The following TTN variants were observed in gnomAD, a reference collection of about 807,000 sequenced individuals.
The protein encoded by TTN is connectin.
TTN carries 1,525 observed loss-of-function variants against 3,223.0 expected under a neutral mutation model. The observed-to-expected ratio is 0.47, with a 90% CI of 0.45 to 0.49. The LOEUF is 0.49. Ranked by LOEUF, TTN falls within the 20% of genes least tolerant of loss-of-function variation. The pLI is 0.00. For synonymous variants in TTN, 14,094 were observed against 15,161.0 expected (o/e 0.93, Z 5.17); for missense variants, 40,786 against 43,424.0 (o/e 0.94, Z 5.40).
chr2:178,715,312 G>A lies in TTN; in HGVS notation c.25922-48C>T, dbSNP rs750382958. 4 of 1,536,684 alleles carry A rather than the reference G, an allele frequency of 2.6e-6. No homozygotes were observed. The South Asian group carries it at 3.9e-5, about 15-fold the overall frequency. ...TACGGATGTATTCTGTAAGTATATA[G>A]TTAAAAGTAAGAATCAATCTTCCAC... is the stretch of plus-strand genomic sequence containing the variant. On this transcript the variant is annotated intron_variant, in intron 89 of 362. Coordinates refer to ENST00000589042, the MANE Select transcript of TTN (RefSeq NM_001267550.2).
intron 282 of TTN, among the ~76,000 whole-genome samples, chr2:178,603,177 C>T (rs757215064): frequency 6.6e-6 from 1 of 151,954 alleles, no homozygotes. Flanking sequence ...GCACAAAGCA[C>T]ATGTTCAATA....
intron 99 of TTN, 76 bp downstream of exon 99, chr2:178,709,490 T>C: frequency 6.9e-7 from 1 of 1,446,046 alleles, no homozygotes; most frequent in South Asian, 1.5e-5. Context: ...GGTCAAGATA[T>C]CATAAGAAAT....
rs1408429519 is a variant in TTN at position 178,607,402 on chromosome 2, A to G, written c.53286T>C (p.Phe17762=). 6.2e-7 allele frequency: 1 copy of G among 1,613,044 alleles called. No individual in the cohort carries two copies. Among genetic ancestry groups the G allele is most frequent in the Admixed American group, 1.7e-5 (1 of 59,972 alleles). ...GAAAATCAGTGCAACATTCCTTACC[A>G]AAAACTTCTACCCTGGCTGCTGCAA... ...SKFAAARVEV[F]DVPGPVLDLK... Residue 17762 remains phenylalanine, a splice_region_variant and synonymous_variant, in exon 277 of 363, where the codon TTT becomes TTC. Coordinates refer to ENST00000589042, the MANE Select transcript of TTN (RefSeq NM_001267550.2).
rs760930312 is a variant in TTN at position 178,632,539 on chromosome 2, T to C, written c.43467A>G (p.Lys14489=). Reference sequence around the variant, plus strand: ...AAAACTATTTACCTTCAATGATCAGTTTGCCACTTGTGTGCTTATCTTCAG... The same window carrying C: ...AAAACTATTTACCTTCAATGATCAGCTTGCCACTTGTGTGCTTATCTTCAG... ...FEAEDKHTSG[K]LIIEGIRLKF... Residue 14489 remains lysine, a synonymous_variant, in exon 235 of 363, where the codon AAA becomes AAG. Coordinates refer to ENST00000589042, the MANE Select transcript of TTN (RefSeq NM_001267550.2). 1.9e-6 allele frequency: 3 copies of C among 1,613,186 alleles called. No individual in the cohort carries two copies. Among genetic ancestry groups the C allele is most frequent in the South Asian group, 1.1e-5 (1 of 90,962 alleles).
intron 113 of TTN, 40 bp from the exon 114 acceptor site, chr2:178,696,309 C>A: frequency 7.0e-7 from 1 of 1,436,858 alleles, no homozygotes; most frequent in East Asian, 2.5e-5. Context: ...TTAATTCTAT[C>A]CATCCAACTG....
In TTN at chr2:178,730,690, A is replaced by G. The variant is rs772946744; in HGVS notation, c.17843T>C (p.Ile5948Thr). 1.2e-5 allele frequency: 20 copies of G among 1,613,554 alleles called. No individual in the cohort carries two copies. Among genetic ancestry groups the G allele is most frequent in the Non-Finnish European group, 1.7e-5 (20 of 1,179,694 alleles). Residue 5948 changes from isoleucine to threonine, a missense_variant, in exon 61 of 363, where the codon ATA (isoleucine) becomes ACA (threonine). By Grantham distance (89) the Ile-to-Thr change is moderately conservative (BLOSUM62 -1). Coordinates refer to ENST00000589042, the MANE Select transcript of TTN (RefSeq NM_001267550.2). ...GTCATCTTTGAACCACTGGATGCTT[A>G]TGGGATGTGACCCAGCCACTATACA... ...LECIVAGSHPISIQWFKDDQE... is the reference protein window; with the variant it reads ...LECIVAGSHPTSIQWFKDDQE...
Position 178,609,420 on chromosome 2 carries a change from G to T in TTN, c.51890C>A (p.Ala17297Glu). The change falls in exon 273 of 363, where the codon GCA becomes GAA. Residue 17297 changes from alanine to glutamate, a missense_variant. Ala to Glu is a moderately radical substitution (Grantham distance 107). Transcript: ENST00000589042. ...CTTCCTTCTCCTAACCAAGGGTGCT[G>T]CACGCTTCTTAATTTCCTCTGGTAC... ...VIVPEEIKKRAAPLVRRRKGE... is the reference protein window; with the variant it reads ...VIVPEEIKKREAPLVRRRKGE... 1 of 1,612,230 alleles carries T rather than the reference G, an allele frequency of 6.2e-7. No individual in the cohort carries two copies. Among genetic ancestry groups the T allele is most frequent in the Non-Finnish European group, 8.5e-7 (1 of 1,179,004 alleles).
chr2:178,753,333 T>C (rs1452636513), intron 46 of TTN, 153 bp from the exon 47 acceptor site: 10 of 584,428 alleles, frequency 1.7e-5, no homozygotes, highest in Non-Finnish European at 2.7e-5. Context: ...CCAAACAAAC[T>C]ATTGAGCTGA....
chr2:178,604,538 A>G (rs2054298023), intron 281 of TTN, among the ~76,000 whole-genome samples, 170 bp downstream of exon 281: 1 of 151,978 alleles, frequency 6.6e-6, no homozygotes, highest in Non-Finnish European at 1.5e-5. Context: ...ATCAAACGCT[A>G]TGTACTAAGG....
intron 46 of TTN, among the ~76,000 whole-genome samples, chr2:178,755,731 A>G (rs898327995): frequency 6.6e-6 from 1 of 152,200 alleles, no homozygotes; most frequent in African/African-American, 2.4e-5. Flanking sequence ...GGCATGAGTC[A>G]CTGTACTTGG....
chr2:178,792,166 G>A lies in TTN; in HGVS notation c.1568C>T (p.Pro523Leu), dbSNP rs1336408647. Residue 523 changes from proline (P) to leucine (L), a missense_variant, in exon 10 of 363, where the codon CCA (proline) becomes CTA (leucine). Transcript: ENST00000589042. ...TTTAGCTGCGGAAATTACTACCTTT[G>A]GTACAAATGTTTTTTCAGTTTCTTT... Reference protein sequence around the residue: ...IRKETEKTFVPKVVISAAKAK... With the variant: ...IRKETEKTFVLKVVISAAKAK... 4.4e-6 allele frequency: 7 copies of A among 1,608,462 alleles called. No individual in the cohort carries two copies. The South Asian group carries it at 6.7e-5, about 15-fold the overall frequency.
chr2:178,680,095 A>C, intron 139 of TTN, 40 bp from the exon 140 acceptor site: 2 of 1,605,192 alleles, frequency 1.2e-6, no homozygotes, highest in Non-Finnish European at 1.7e-6. Context: ...TTTGCCAATG[A>C]CTCAACAAAA....
intron 43 of TTN, chr2:178,760,795 C>T (rs1001160249): frequency 4.0e-5 from 6 of 151,818 alleles, no homozygotes; most frequent in Non-Finnish European, 8.8e-5. Flanking sequence ...CGCCAAAAGA[C>T]AGTGCCATGT....
Position 178,563,504 on chromosome 2 carries a change from C to G in TTN, c.82628G>C (p.Arg27543Thr). The G allele has an allele frequency of 6.2e-7, 1 of 1,613,780 alleles. No homozygotes were observed. The highest frequency in any genetic ancestry group is 1.3e-5 in the African/African-American group (1 of 75,024). Residue 27543 changes from arginine to threonine, a missense_variant, in exon 326 of 363, where the codon AGA (arginine) becomes ACA (threonine). By Grantham distance (71) the Arg-to-Thr change is moderately conservative. Coordinates refer to ENST00000589042, the MANE Select transcript of TTN (RefSeq NM_001267550.2). This position sits in a 1 kb window ranked among gnomAD's most constrained non-coding sequence, Gnocchi z 4.5. ...GLTEGHSYEFRVAAENAAGVG... is the reference protein window; with the variant it reads ...GLTEGHSYEFTVAAENAAGVG... Reference sequence around the variant, plus strand: ...ACCAGCTGCATTTTCAGCAGCAACTCTGAATTCATAGGAATGGCCTTCGGT... The same window carrying G: ...ACCAGCTGCATTTTCAGCAGCAACTGTGAATTCATAGGAATGGCCTTCGGT...
Position 178,587,202 on chromosome 2 carries a change from AAT to A in TTN, c.64007_64008del (p.Tyr21336LeufsTer30). On this transcript the variant is annotated frameshift_variant, in exon 307 of 363. Transcript: ENST00000589042. LOFTEE classifies it high-confidence loss of function. ...HVTNLVPGNE[Y>X]YFRVTAVNEY... ...TCGTTGACAGCAGTTACTCTGAAGT[AAT>A]ACTCATTCCCAGGGACAAGATTGGT... 1 of 1,613,324 alleles carries A rather than the reference AAT, an allele frequency of 6.2e-7. No individual in the cohort carries two copies. Among genetic ancestry groups the A allele is most frequent in the Non-Finnish European group, 8.5e-7 (1 of 1,179,468 alleles).
Position 178,591,532 on chromosome 2 carries a change from T to C in TTN, c.60221-28A>G. On this transcript the variant is annotated intron_variant, in intron 303 of 362. Transcript: ENST00000589042. ...GAAAAGTAAACATGAAAAAATTAGA[T>C]TTTGATTTTCACCTATATGAATAAT... 4 of 1,582,360 alleles carry C rather than the reference T, an allele frequency of 2.5e-6. No individual in the cohort carries two copies. The South Asian group carries it at 4.7e-5, about 19-fold the overall frequency.
rs761651834 is a variant in TTN, at chr2:178,722,094, A to G, written c.22569T>C (p.Ser7523=). 12 of 1,604,046 alleles carry G rather than the reference A, an allele frequency of 7.5e-6. No homozygotes were observed. The highest frequency in any genetic ancestry group is 1.0e-5 in the Non-Finnish European group (12 of 1,174,562). Residue 7523 remains serine, a synonymous_variant, in exon 78 of 363, where the codon TCT becomes TCC. Coordinates refer to ENST00000589042, the MANE Select transcript of TTN (RefSeq NM_001267550.2). ...CACTTTCTCCAGCAATAACATCTAT[A>G]GATACAGGCTTGATGTCAAAGAAGG... ...KSPFFDIKPV[S]IDVIAGESAD...
rs1276825352 is a variant in TTN at position 178,581,903 on chromosome 2, T to TA, written c.66463+2dup. ...GATATGGAACTCGTTCATGAACACT[T>TA]ACACTGAGGGTCCCGAGCATAAGCG... On this transcript the variant is annotated splice_region_variant and intron_variant, in intron 315 of 362. Coordinates refer to ENST00000589042, the MANE Select transcript of TTN (RefSeq NM_001267550.2). 4 of 1,612,926 alleles carry TA rather than the reference T, an allele frequency of 2.5e-6. No homozygotes were observed. Among genetic ancestry groups the TA allele is most frequent in the Non-Finnish European group, 2.5e-6 (3 of 1,179,374 alleles).
In TTN at chr2:178,804,644, T is replaced by C; in HGVS notation, c.-2A>G. ...AAACGTCGGTGCTTGAGTTGTCATC[T>C]TTCTAGGCACTCTGAAAAAGAAGAG... On this transcript the variant is annotated 5_prime_UTR_variant, in exon 2 of 363. Transcript: ENST00000589042. The C allele has an allele frequency of 6.2e-7, 1 of 1,613,796 alleles. No homozygotes were observed. The highest frequency in any genetic ancestry group is 8.5e-7 in the Non-Finnish European group (1 of 1,179,854).
Sources: gnomAD v4.1 joint callset for allele counts (sites outside exome capture counted in the v4.1 genomes callset) on GRCh38, gnomAD v4.1.1 for gene constraint, Gnocchi (gnomAD v3.1) non-coding constraint, MANE v1.5 for transcripts, NCBI Gene and HGNC (gene_info 2026-07-23, HGNC 2026-07-21) for gene names.